Variants in SPIDR observed in about 807,000 individuals in gnomAD.
SPIDR encodes the protein scaffold protein involved in DNA repair.
A neutral mutation model predicts 104.6 loss-of-function variants in SPIDR; 93 were observed. The ratio of observed to expected loss-of-function variants is 0.89; its 90% CI spans 0.75 to 1.06. The LOEUF (loss-of-function observed/expected upper bound fraction) is 1.06. SPIDR is among the 50% of genes least tolerant of loss of function. SPIDR has a pLI of 0.00. For missense variants in SPIDR, 1,154 were observed against 1,111.2 expected, an observed-to-expected ratio of 1.04 and a Z score of -0.55; for synonymous variants, 431 against 416.9, an observed-to-expected ratio of 1.03 and a Z score of -0.41.
At chr8:47,433,803 C>T (rs1554690589) in intron 7 of SPIDR, among the ~76,000 whole-genome samples, 1 of 152,112 alleles carries the variant, frequency 6.6e-6, no homozygotes, top group Non-Finnish European at 1.5e-5. Flanking sequence ...GGAGATTTGG[C>T]ATAGGTTATA....
chr8:47,499,874 T>C (rs1210617059), intron 8 of SPIDR, among the ~76,000 whole-genome samples: 2 of 151,868 alleles, frequency 1.3e-5, no homozygotes, highest in Non-Finnish European at 2.9e-5. Flanking sequence ...TTCTCACCTA[T>C]GAGTGAGAAC....
chr8:47,516,629 T>G (rs757524353), intron 8 of SPIDR, among the ~76,000 whole-genome samples: 3 of 152,248 alleles, frequency 2.0e-5, no homozygotes, highest in Admixed American at 6.5e-5. Flanking sequence ...CTGAATAATA[T>G]TCTATTGTAT....
intron 7 of SPIDR, among the ~76,000 whole-genome samples, chr8:47,430,163 A>G (rs1402643260): frequency 6.6e-6 from 1 of 152,126 alleles, no homozygotes; most frequent in Admixed American, 6.6e-5. Context: ...ACTTCACGGT[A>G]ATGGTCGCTC....
At chr8:47,372,077 T>C (rs137898554) in intron 5 of SPIDR, among the ~76,000 whole-genome samples, 8 of 152,272 alleles carry the variant, frequency 5.3e-5, no homozygotes, top group Middle Eastern at 3.4e-3. Flanking sequence ...CTGGGAAGAC[T>C]TCCCCATCAA....
At chr8:47,490,202 C>T (rs1395189159) in intron 8 of SPIDR, among the ~76,000 whole-genome samples, 1 of 152,202 alleles carries the variant, frequency 6.6e-6, no homozygotes, top group South Asian at 2.1e-4. Context: ...TGAATAGACA[C>T]TTTGCAGGGG....
chr8:47,472,425 C>G (rs1311539244), intron 8 of SPIDR, among the ~76,000 whole-genome samples: 1 of 152,154 alleles, frequency 6.6e-6, no homozygotes, highest in Admixed American at 6.5e-5. Context: ...ACCAGCGTTC[C>G]AGGAGAGTGT....
At chr8:47,641,484 A>G (rs1362129506) in intron 10 of SPIDR, among the ~76,000 whole-genome samples, 2 of 152,264 alleles carry the variant, frequency 1.3e-5, no homozygotes, top group Admixed American at 1.3e-4. Flanking sequence ...TTTACTTAGT[A>G]GAGTGCCTAC....
intron 4 of SPIDR, among the ~76,000 whole-genome samples, chr8:47,292,910 G>A (rs1488616156): frequency 6.6e-6 from 1 of 152,040 alleles, no homozygotes; most frequent in Admixed American, 6.6e-5. Context: ...AATGAGTGCT[G>A]CACAGATGTG....
At chr8:47,352,606 CT>C (rs1318082560) in intron 5 of SPIDR, among the ~76,000 whole-genome samples, 1 of 152,036 alleles carries the variant, frequency 6.6e-6, no homozygotes, top group Non-Finnish European at 1.5e-5. Context: ...CGCTTTAGGC[CT>C]TGTGTAGGTT....
intron 8 of SPIDR, among the ~76,000 whole-genome samples, chr8:47,466,697 C>T (rs534874749): frequency 7.0e-6 from 1 of 142,026 alleles, no homozygotes; most frequent in Non-Finnish European, 1.5e-5. Context: ...CCCGTCTCTA[C>T]GAAAAATACA....
intron 8 of SPIDR, among the ~76,000 whole-genome samples, chr8:47,462,539 A>G (rs1024550314): frequency 3.3e-5 from 5 of 152,218 alleles, no homozygotes; most frequent in Non-Finnish European, 7.3e-5. Context: ...AAACGAAAAC[A>G]TAATGTACTA....
At chr8:47,290,164 C>A (rs967769281) in intron 3 of SPIDR, among the ~76,000 whole-genome samples, 15 of 152,072 alleles carry the variant, frequency 9.9e-5, no homozygotes, top group Admixed American at 2.0e-4. Flanking sequence ...CTCAGCCCCC[C>A]CTGAGTAGCT....
intron 8 of SPIDR, among the ~76,000 whole-genome samples, chr8:47,540,977 A>T (rs1408732854): frequency 6.6e-6 from 1 of 152,162 alleles, no homozygotes; most frequent in African/African-American, 2.4e-5. Context: ...TTCCTGCCTC[A>T]GCCTCCCAAG....
chr8:47,499,122 G>A (rs2079915318), intron 8 of SPIDR, among the ~76,000 whole-genome samples: 1 of 152,150 alleles, frequency 6.6e-6, no homozygotes. Context: ...TGTCTGCCCA[G>A]GAGGAACTCA....
chr8:47,426,219 A>G (rs2066388466), intron 7 of SPIDR, among the ~76,000 whole-genome samples: 1 of 152,202 alleles, frequency 6.6e-6, no homozygotes, highest in Non-Finnish European at 1.5e-5. Flanking sequence ...ATGCCATTGC[A>G]CTACAGCCTG....
chr8:47,284,934 G>C (rs2038533216), intron 3 of SPIDR, among the ~76,000 whole-genome samples: 3 of 152,276 alleles, frequency 2.0e-5, no homozygotes, highest in Non-Finnish European at 4.4e-5. Flanking sequence ...GCCATAGGCA[G>C]TCAGCCCCGC....
At chr8:47,435,731 C>T (rs1166128138) in intron 7 of SPIDR, among the ~76,000 whole-genome samples, 1 of 152,210 alleles carries the variant, frequency 6.6e-6, no homozygotes, top group East Asian at 1.9e-4. Flanking sequence ...CAATAGGCCT[C>T]AGAGTCCGTT....
At chr8:47,501,760 G>A (rs1284198176) in intron 8 of SPIDR, among the ~76,000 whole-genome samples, 1 of 152,146 alleles carries the variant, frequency 6.6e-6, no homozygotes. Context: ...TGCCCATTCA[G>A]TATGATATTG....
At chr8:47,675,314 G>T (rs2076282851) in intron 11 of SPIDR, among the ~76,000 whole-genome samples, 1 of 152,198 alleles carries the variant, frequency 6.6e-6, no homozygotes, top group South Asian at 2.1e-4. Flanking sequence ...GGGATTACAG[G>T]CGTGAGCTAC....
Sources: allele counts gnomAD v4.1 joint callset (sites outside exome capture counted in the v4.1 genomes callset), GRCh38; gene constraint gnomAD v4.1.1; transcripts MANE v1.5; gene names NCBI Gene and HGNC (gene_info 2026-07-23, HGNC 2026-07-21).